VEPH1: variants seen among roughly 807,000 people sequenced by gnomAD.
The protein encoded by VEPH1 is ventricular zone-expressed PH domain-containing protein homolog 1.
In VEPH1, 80 loss-of-function variants were observed where a neutral mutation model predicts 85.2. The observed-to-expected ratio is 0.94, with a 90% CI of 0.78 to 1.13. The LOEUF (loss-of-function observed/expected upper bound fraction) is 1.13, where lower values mean the gene tolerates loss of function less well. Among genes scored for constraint, VEPH1 ranks in the 50% most tolerant of loss-of-function variants. The pLI is 0.00. For synonymous variants in VEPH1, 297 were observed against 348.0 expected (o/e 0.85, Z 1.63); for missense variants, 955 against 980.5 (o/e 0.97, Z 0.35).
intron 7 of VEPH1, among the ~76,000 whole-genome samples, chr3:157,376,335 T>C (rs1203121861): frequency 6.6e-6 from 1 of 152,162 alleles, no homozygotes; most frequent in Non-Finnish European, 1.5e-5. Context: ...TAGGCAATGA[T>C]CACTCCACTG....
At chr3:157,279,929 T>A (rs1042628858) in intron 12 of VEPH1, among the ~76,000 whole-genome samples, 9 of 148,614 alleles carry the variant, frequency 6.1e-5, no homozygotes, top group African/African-American at 2.2e-4. Context: ...GGCAGGAGAA[T>A]CGCTTGAACC....
At chr3:157,320,394 T>G (rs1214729429) in intron 9 of VEPH1, among the ~76,000 whole-genome samples, 2 of 152,170 alleles carry the variant, frequency 1.3e-5, no homozygotes, top group African/African-American at 2.4e-5. Context: ...GAACTTAAAG[T>G]GTGAGAGAAA....
rs995258016 is a variant in VEPH1 at position 157,261,191 on chromosome 3, G to T, written c.2445C>A (p.Asn815Lys). 2 of 1,613,650 alleles carry T rather than the reference G, an allele frequency of 1.2e-6. No homozygotes were observed. The highest frequency in any genetic ancestry group is 1.3e-5 in the African/African-American group (1 of 74,868). The change falls in exon 14 of 14, where the codon AAC (asparagine) becomes AAA (lysine). Residue 815 changes from asparagine to lysine, a missense_variant. Coordinates refer to ENST00000362010, the MANE Select transcript of VEPH1 (RefSeq NM_001167912.2). ...KNAEEWLQCI[N>K]VAVAQAKERE... ...TTTCTTTGGCTTGGGCAACTGCCACGTTGATGCACTGGAGCCATTCTTCTG... is the reference window on the plus strand; with the variant it reads ...TTTCTTTGGCTTGGGCAACTGCCACTTTGATGCACTGGAGCCATTCTTCTG...
At chr3:157,408,001 T>C (rs546055854) in intron 6 of VEPH1, among the ~76,000 whole-genome samples, 1 of 152,244 alleles carries the variant, frequency 6.6e-6, no homozygotes, top group Admixed American at 6.5e-5. Context: ...CACACCCTCT[T>C]AGTCACCGTG....
At chr3:157,495,560 A>C in intron 1 of VEPH1, 54 bp from the exon 2 acceptor site, 2 of 1,226,262 alleles carry the variant, frequency 1.6e-6, no homozygotes, top group Non-Finnish European at 2.1e-6. Context: ...GCATAAGCTC[A>C]GAATGTGAAC....
intron 12 of VEPH1, among the ~76,000 whole-genome samples, chr3:157,285,633 G>A (rs915129336): frequency 3.3e-5 from 5 of 152,214 alleles, no homozygotes; most frequent in Admixed American, 2.0e-4. Context: ...CCTGAGCCGA[G>A]TCAGCATTGA....
chr3:157,317,398 A>G (rs1172123110), intron 9 of VEPH1, among the ~76,000 whole-genome samples, 197 bp from the exon 10 acceptor site: 2 of 152,174 alleles, frequency 1.3e-5, no homozygotes, highest in African/African-American at 4.8e-5. Flanking sequence ...TTAAATTATT[A>G]TTATTATTGT....
At chr3:157,387,952 C>A (rs1436572353) in intron 6 of VEPH1, among the ~76,000 whole-genome samples, 1 of 152,048 alleles carries the variant, frequency 6.6e-6, no homozygotes, top group Non-Finnish European at 1.5e-5. Context: ...GTGGATTTGG[C>A]CCTATAATCC....
In VEPH1 at chr3:157,442,035, TA is replaced by T. The variant is rs112549808; in HGVS notation, c.530-13548del. ...TTAACTGATAGTGATTCAACTTTTTTAAAAAAAAGCAGTAACAAAGAAAATA... is the reference window on the plus strand; with the variant it reads ...TTAACTGATAGTGATTCAACTTTTTTAAAAAAAGCAGTAACAAAGAAAATA... On this transcript the variant is annotated intron_variant, in intron 4 of 13. Coordinates refer to ENST00000362010, the MANE Select transcript of VEPH1 (RefSeq NM_001167912.2). Among the ~76,000 whole-genome samples the T allele has an allele frequency of 5.3e-5, 8 of 152,076 alleles. 1 individual carries two copies. Among genetic ancestry groups the T allele is most frequent in the African/African-American group, 1.9e-4 (8 of 41,484 alleles).
At chr3:157,307,691 G>A (rs1719660796) in intron 11 of VEPH1, among the ~76,000 whole-genome samples, 2 of 151,682 alleles carry the variant, frequency 1.3e-5, no homozygotes, top group Admixed American at 1.3e-4. Context: ...TTAGGATTTT[G>A]TTTATTCTAA....
chr3:157,304,347 A>T (rs753104044), intron 11 of VEPH1, among the ~76,000 whole-genome samples: 14 of 152,080 alleles, frequency 9.2e-5, no homozygotes, highest in Non-Finnish European at 1.9e-4. Flanking sequence ...ATTTTATTTT[A>T]TTTTTTCTGT....
At chr3:157,297,034 G>T (rs1302674186) in intron 11 of VEPH1, among the ~76,000 whole-genome samples, 1 of 152,198 alleles carries the variant, frequency 6.6e-6, no homozygotes, top group South Asian at 2.1e-4. Flanking sequence ...TTGGGAGGCT[G>T]AGGTGGGCAG....
At chr3:157,361,433 A>G (rs1041511115) in intron 9 of VEPH1, among the ~76,000 whole-genome samples, 1 of 152,232 alleles carries the variant, frequency 6.6e-6, no homozygotes, top group Non-Finnish European at 1.5e-5. Flanking sequence ...AGAAAGTAGA[A>G]TATGGAAAAA....
intron 5 of VEPH1, among the ~76,000 whole-genome samples, chr3:157,416,616 G>A (rs1243209099): frequency 6.6e-6 from 1 of 152,058 alleles, no homozygotes; most frequent in East Asian, 1.9e-4. Context: ...TACTCTTCAG[G>A]TCCTGTTTCC....
intron 9 of VEPH1, among the ~76,000 whole-genome samples, chr3:157,352,002 TTA>T (rs1724918475): frequency 6.6e-6 from 1 of 152,230 alleles, no homozygotes; most frequent in Non-Finnish European, 1.5e-5. Context: ...TGCTCTATTG[TTA>T]TGTTTAATGG....
chr3:157,496,479 A>T (rs1233858879), intron 1 of VEPH1, among the ~76,000 whole-genome samples: 1 of 152,222 alleles, frequency 6.6e-6, no homozygotes, highest in Non-Finnish European at 1.5e-5. Flanking sequence ...CTTCCCTCAC[A>T]GTTTACAGTA....
At chr3:157,459,649 A>T in intron 4 of VEPH1, 1 of 1,313,466 alleles carries the variant, frequency 7.6e-7, no homozygotes, top group Admixed American at 3.6e-5. Flanking sequence ...TGAGCTTCTT[A>T]TTCATTCAAA....
intron 9 of VEPH1, among the ~76,000 whole-genome samples, chr3:157,357,597 A>T (rs1725586317): frequency 6.6e-6 from 1 of 151,508 alleles, no homozygotes; most frequent in Non-Finnish European, 1.5e-5. Flanking sequence ...GGTTCAAGCG[A>T]TTCTCCTGCC....
intron 9 of VEPH1, among the ~76,000 whole-genome samples, chr3:157,338,078 C>T (rs62278578): frequency 0.46 from 69,886 of 151,964 alleles, 17,910 homozygotes; most frequent in Admixed American, 0.61. Context: ...GGACAAGTTA[C>T]GTATCATCCT....
Sources: gnomAD v4.1 joint callset for allele counts (sites outside exome capture counted in the v4.1 genomes callset) on GRCh38, gnomAD v4.1.1 for gene constraint, MANE v1.5 for transcripts, NCBI Gene and HGNC (gene_info 2026-07-23, HGNC 2026-07-21) for gene names.